The following MYH10 variants were observed in gnomAD, a reference collection of about 807,000 sequenced individuals.
The protein encoded by MYH10 is myosin-10.
MYH10 carries 55 observed loss-of-function variants against 257.8 expected under a neutral mutation model. That is an observed-to-expected ratio of 0.21 (90% CI 0.17 to 0.27). The LOEUF (loss-of-function observed/expected upper bound fraction) is 0.27, where lower values mean the gene tolerates loss of function less well. Among genes scored for constraint, MYH10 ranks in the 10% least tolerant of loss-of-function variants. MYH10 has a pLI of 1.00. For missense variants in MYH10, 1,631 were observed against 2,500.6 expected (o/e 0.65, Z 7.42); for synonymous variants, 854 against 921.7 (o/e 0.93, Z 1.33).
At chr17:8,580,046 G>C (rs1402478158) in intron 4 of MYH10, among the ~76,000 whole-genome samples, 2 of 152,078 alleles carry the variant, frequency 1.3e-5, no homozygotes, top group East Asian at 3.9e-4. Context: ...AGAATTGCTT[G>C]AACCTGGGAA....
In MYH10 at chr17:8,506,142, T is replaced by A; in HGVS notation, c.3386+176A>T. 7.4e-6 allele frequency: 4 copies of A among 544,170 alleles called. No homozygotes were observed. Among genetic ancestry groups the A allele is most frequent in the Non-Finnish European group, 6.2e-6 (2 of 321,492 alleles). The allele number at this position is 544,170 out of a possible 1,614,324, so 33.7% of individuals were successfully genotyped here. A position where few individuals can be genotyped will look rare whatever the true frequency, so the allele number is the denominator to read the frequency against. ...TATTGAGATGGTTTATGAGACTTTC[T>A]TGCTGTCCTGACACAAATTCTGTAC... On this transcript the variant is annotated intron_variant, in intron 27 of 42. Transcript: ENST00000360416. The surrounding 1 kb of genome is among the most constrained non-coding windows in gnomAD (Gnocchi z 5.0).
At chr17:8,495,085 A>G (rs1916371143) in intron 31 of MYH10, 52 bp downstream of exon 31, 6 of 1,093,104 alleles carry the variant, frequency 5.5e-6, no homozygotes, top group Non-Finnish European at 8.5e-6. Context: ...ACCAGCTTAT[A>G]TATTACAGAA....
At position 8,478,367 on chromosome 17, in the gene MYH10, G is replaced by C. The variant is rs780650576; in HGVS notation, c.5677C>G (p.Arg1893Gly). The change falls in exon 41 of 43, where the codon CGT becomes GGT. Residue 1893 changes from arginine to glycine, a missense_variant. Transcript: ENST00000360416. ...KEIFMQVEDERRHADQYKEQM... is the reference protein window; with the variant it reads ...KEIFMQVEDEGRHADQYKEQM... ...TCTTTATACTGGTCCGCGTGTCGAC[G>C]CTCATCCTCAACCTGCATGAAGATT... is the stretch of plus-strand genomic sequence containing the variant. 1 of 1,614,120 alleles carries C rather than the reference G, an allele frequency of 6.2e-7. No individual in the cohort carries two copies. Among genetic ancestry groups the C allele is most frequent in the Non-Finnish European group, 8.5e-7 (1 of 1,180,010 alleles).
intron 7 of MYH10, among the ~76,000 whole-genome samples, chr17:8,558,550 G>C (rs1351516454): frequency 6.6e-6 from 1 of 152,024 alleles, no homozygotes; most frequent in Non-Finnish European, 1.5e-5. Context: ...GGAGTCCTTG[G>C]CACACTGCAA....
At chr17:8,505,609 TGGTTTAGAACTGA>T (rs2081050559) in intron 27 of MYH10, among the ~76,000 whole-genome samples, 1 of 152,250 alleles carries the variant, frequency 6.6e-6, no homozygotes, top group Non-Finnish European at 1.5e-5. Context: ...CTAAACTGAA[TGGTTTAGAACTGA>T]TTATTGAATC....
Position 8,506,101 on chromosome 17 carries a change from C to T in MYH10, c.3386+217G>A, listed in dbSNP as rs1290036266. The T allele has an allele frequency of 2.2e-5, 10 of 447,046 alleles. No individual in the cohort carries two copies. Among genetic ancestry groups the T allele is most frequent in the Admixed American group, 4.3e-5 (1 of 23,104 alleles). The allele number at this position is 447,046 out of a possible 1,614,324, so 27.7% of individuals were successfully genotyped here. On this transcript the variant is annotated intron_variant, in intron 27 of 42. Transcript: ENST00000360416. The surrounding 1 kb of genome is among the most constrained non-coding windows in gnomAD (Gnocchi z 5.0). ...CCAAGGGTTTCATAATATAATTTGT[C>T]ATTTTAAAGTATAAATATTGAGATG...
chr17:8,493,198 A>G (rs1050959785), intron 32 of MYH10, among the ~76,000 whole-genome samples, 174 bp from the exon 33 acceptor site: 1 of 152,032 alleles, frequency 6.6e-6, no homozygotes, highest in Admixed American at 6.6e-5. Flanking sequence ...CATCTCTACT[A>G]AAAATACAAA....
At position 8,492,332 on chromosome 17, in the gene MYH10, C is replaced by A. The variant is rs757494416; in HGVS notation, c.4636G>T (p.Asp1546Tyr). 8 of 1,613,544 alleles carry A rather than the reference C, an allele frequency of 5.0e-6. No individual in the cohort carries two copies. Among genetic ancestry groups the A allele is most frequent in the Non-Finnish European group, 6.8e-6 (8 of 1,180,054 alleles). ...QNKQLRADME[D>Y]LMSSKDDVGK... ...ACATCATCTTTGGAGCTCATGAGGT[C>A]TTCCATGTCTGCTCGGAGCTGCTTG... Residue 1546 changes from aspartate to tyrosine, a missense_variant, in exon 34 of 43, where the codon GAC becomes TAC. Physicochemically the swap from Asp to Tyr is radical, Grantham distance 160. Around this residue, in one of 11 missense-constraint regions of MYH10, gnomAD observed 463 missense variants for 621.8 expected, o/e 0.74. Coordinates refer to ENST00000360416, the MANE Select transcript of MYH10 (RefSeq NM_001256012.3).
In MYH10 at chr17:8,490,554, TAA is replaced by T; in HGVS notation, c.4672-4_4672-3del. 1 of 1,613,794 alleles carries T rather than the reference TAA, an allele frequency of 6.2e-7. No homozygotes were observed. The highest frequency in any genetic ancestry group is 2.2e-5 in the East Asian group (1 of 44,882). ...TTTGGATTTTTCAAGTTCGTGAACC[TAA>T]ACCACCGAAGCATCAGGAAAGAGTT... On this transcript the variant is annotated splice_region_variant and splice_polypyrimidine_tract_variant and intron_variant, in intron 34 of 42. Coordinates refer to ENST00000360416, the MANE Select transcript of MYH10 (RefSeq NM_001256012.3). This position sits in a 1 kb window ranked among gnomAD's most constrained non-coding sequence, Gnocchi z 4.1.
chr17:8,550,885 G>T (rs964280009), intron 9 of MYH10, among the ~76,000 whole-genome samples: 6 of 151,736 alleles, frequency 4.0e-5, no homozygotes, highest in African/African-American at 1.2e-4. Context: ...TCCACTCAGG[G>T]TTAAATGGAT....
chr17:8,512,701 C>T (rs369808875), intron 23 of MYH10, 44 bp from the exon 24 acceptor site: 82 of 1,512,312 alleles, frequency 5.4e-5, no homozygotes, highest in Admixed American at 1.1e-4. Context: ...CTATTACATA[C>T]GTACACAGTA....
At chr17:8,548,443 T>C in intron 10 of MYH10, 35 bp from the exon 11 acceptor site, 1 of 1,485,720 alleles carries the variant, frequency 6.7e-7, no homozygotes, top group Non-Finnish European at 9.2e-7. Context: ...AAAATTAATA[T>C]TGCCTCAAAA....
At chr17:8,546,923 G>A (rs1490505372) in intron 11 of MYH10, among the ~76,000 whole-genome samples, 1 of 152,104 alleles carries the variant, frequency 6.6e-6, no homozygotes, top group Admixed American at 6.5e-5. Context: ...TTAGAGGCAG[G>A]TTCTCACTAT....
chr17:8,552,465 C>T lies in MYH10; in HGVS notation c.821-321G>A, dbSNP rs189677471. ...TACATTCAAAGAATACCACACTATA[C>T]GAGGAACTGTAAGAAGCTATTGAAA... On this transcript the variant is annotated intron_variant, in intron 8 of 42. Coordinates refer to ENST00000360416, the MANE Select transcript of MYH10 (RefSeq NM_001256012.3). The surrounding 1 kb of genome is among the most constrained non-coding windows in gnomAD (Gnocchi z 4.8). 4.8e-4 allele frequency among the ~76,000 whole-genome samples: 73 copies of T among 152,190 alleles called. No individual in the cohort carries two copies. The highest frequency in any genetic ancestry group is 1.7e-3 in the African/African-American group (71 of 41,506).
chr17:8,582,972 T>C (rs926679422), intron 4 of MYH10, among the ~76,000 whole-genome samples: 5 of 152,214 alleles, frequency 3.3e-5, no homozygotes, highest in Admixed American at 3.3e-4. Context: ...TATTACCCCC[T>C]ATATTATCTA....
intron 26 of MYH10, 119 bp downstream of exon 26, chr17:8,508,435 G>GTAT: frequency 7.1e-7 from 1 of 1,409,774 alleles, no homozygotes. Context: ...AACCCAAACT[G>GTAT]AAGGTCCTTA....
chr17:8,622,259 A>G (rs2085494668), intron 2 of MYH10, among the ~76,000 whole-genome samples: 1 of 152,026 alleles, frequency 6.6e-6, no homozygotes, highest in Non-Finnish European at 1.5e-5. Context: ...TCTGGCTTAC[A>G]TTTTTCCTCT....
rs765655062 is a variant in MYH10 at position 8,598,595 on chromosome 17, CTTTAA to C, written c.502+6226_502+6230del. 7.2e-5 allele frequency among the ~76,000 whole-genome samples: 11 copies of C among 152,206 alleles called. No individual in the cohort carries two copies. In the East Asian group the frequency reaches 1.3e-3, roughly 19 times the overall value. On this transcript the variant is annotated intron_variant, in intron 3 of 42. Coordinates refer to ENST00000360416, the MANE Select transcript of MYH10 (RefSeq NM_001256012.3). ...TATTATCTATTTTGCTGAATACAAA[CTTTAA>C]TTTGTCTATAAATCTTTCTTTCCTA...
intron 21 of MYH10, among the ~76,000 whole-genome samples, chr17:8,518,019 T>A: frequency 8.2e-6 from 1 of 121,520 alleles, no homozygotes; most frequent in Non-Finnish European, 1.8e-5. Context: ...CCATACCCCT[T>A]GGCCCCGTGT....
Sources: allele counts gnomAD v4.1 joint callset (sites outside exome capture counted in the v4.1 genomes callset), GRCh38; gene constraint gnomAD v4.1.1; regional missense constraint gnomAD v4.1.1; non-coding constraint Gnocchi (gnomAD v3.1); transcripts MANE v1.5; gene names NCBI Gene and HGNC (gene_info 2026-07-23, HGNC 2026-07-21).